The following CWF19L2 variants were observed in gnomAD, a reference collection of about 807,000 sequenced individuals.
CWF19L2 encodes the protein CWF19 like cell cycle control factor 2, also known as CWF19-like protein 2.
Under a neutral mutation model 111.7 loss-of-function variants are expected in CWF19L2, and 98 were observed. The ratio of observed to expected loss-of-function variants is 0.88; its 90% CI spans 0.75 to 1.04. The LOEUF is 1.04. Ranked by LOEUF, CWF19L2 falls within the 50% of genes least tolerant of loss-of-function variation. The pLI is 0.00. For missense variants in CWF19L2, 1,101 were observed against 1,051.4 expected (o/e 1.05, Z -0.65); for synonymous variants, 351 against 342.9 (o/e 1.02, Z -0.26).
In CWF19L2 at chr11:107,415,334, C is replaced by G. The variant is rs184859587; in HGVS notation, c.1617+875G>C. ...TTTCAACAGAATTGGCCTGTGCATTCCAAGCCACCAACCCACCTGTCACTC... is the reference window on the plus strand; with the variant it reads ...TTTCAACAGAATTGGCCTGTGCATTGCAAGCCACCAACCCACCTGTCACTC... On this transcript the variant is annotated intron_variant, in intron 10 of 17. Transcript: ENST00000282251. Among the ~76,000 whole-genome samples the G allele has an allele frequency of 5.9e-5, 9 of 152,292 alleles. No homozygotes were observed. The East Asian group carries it at 9.6e-4, about 16-fold the overall frequency.
At chr11:107,388,274 C>T (rs564665691) in intron 12 of CWF19L2, among the ~76,000 whole-genome samples, 11 of 152,284 alleles carry the variant, frequency 7.2e-5, no homozygotes, top group East Asian at 3.9e-4. Context: ...GAAATATAAG[C>T]GCCTGAGGGC....
intron 14 of CWF19L2, among the ~76,000 whole-genome samples, chr11:107,342,550 T>A (rs1422606958): frequency 6.6e-6 from 1 of 152,108 alleles, no homozygotes; most frequent in East Asian, 1.9e-4. Flanking sequence ...TGTTTTAAAT[T>A]TGCTGAGATT....
At chr11:107,356,986 C>T (rs928389434) in intron 12 of CWF19L2, among the ~76,000 whole-genome samples, 1 of 152,036 alleles carries the variant, frequency 6.6e-6, no homozygotes, top group East Asian at 1.9e-4. Context: ...TGCTGTGGGC[C>T]GAAATCACGC....
At chr11:107,445,725 C>G (rs1861692631) in intron 3 of CWF19L2, among the ~76,000 whole-genome samples, 1 of 152,046 alleles carries the variant, frequency 6.6e-6, no homozygotes, top group Admixed American at 6.5e-5. Context: ...TTCTCCAACC[C>G]CTCACCCCAA....
intron 12 of CWF19L2, among the ~76,000 whole-genome samples, chr11:107,357,198 G>A (rs1001626789): frequency 9.9e-5 from 15 of 152,150 alleles, no homozygotes; most frequent in African/African-American, 3.4e-4. Context: ...ATATAAGTGA[G>A]GCTTTTTCCC....
chr11:107,380,061 A>AAAAAT (rs1860660803), intron 12 of CWF19L2, among the ~76,000 whole-genome samples: 2 of 150,428 alleles, frequency 1.3e-5, no homozygotes, highest in Non-Finnish European at 3.0e-5. Flanking sequence ...AAAAAAAAAA[A>AAAAAT]AAAAAAAAAA....
chr11:107,349,596 C>T (rs974797108), intron 13 of CWF19L2, among the ~76,000 whole-genome samples: 6 of 145,514 alleles, frequency 4.1e-5, no homozygotes, highest in African/African-American at 1.6e-4. Flanking sequence ...AAAACTGGTG[C>T]TAATTTTCCA....
intron 16 of CWF19L2, 53 bp from the exon 17 acceptor site, chr11:107,330,072 T>A (rs1000772566): frequency 7.5e-6 from 8 of 1,060,828 alleles, no homozygotes; most frequent in Non-Finnish European, 9.5e-6. Flanking sequence ...CAGAAAGTTA[T>A]GTTTAATCCC....
intron 10 of CWF19L2, among the ~76,000 whole-genome samples, chr11:107,406,487 T>C (rs558729851): frequency 5.9e-5 from 9 of 152,346 alleles, no homozygotes; most frequent in Non-Finnish European, 1.2e-4. Context: ...CTCTGATAAC[T>C]GAGATGTATG....
intron 14 of CWF19L2, among the ~76,000 whole-genome samples, chr11:107,342,036 T>C (rs985445186): frequency 2.6e-5 from 4 of 152,048 alleles, no homozygotes; most frequent in African/African-American, 4.8e-5. Context: ...TTCTCTATGA[T>C]TTTTCTGTTT....
At chr11:107,426,470 T>C (rs543784701) in intron 8 of CWF19L2, among the ~76,000 whole-genome samples, 5 of 152,052 alleles carry the variant, frequency 3.3e-5, no homozygotes, top group Admixed American at 6.6e-5. Context: ...TTGGAATTTA[T>C]TTTACAGCTA....
chr11:107,454,649 A>G, intron 2 of CWF19L2, 77 bp from the exon 3 acceptor site: 1 of 1,038,108 alleles, frequency 9.6e-7, no homozygotes, highest in Non-Finnish European at 1.2e-6. Context: ...AGAGAAAAAA[A>G]ATAAACCACA....
intron 12 of CWF19L2, among the ~76,000 whole-genome samples, chr11:107,387,562 C>A (rs985161486): frequency 6.6e-6 from 1 of 151,968 alleles, no homozygotes; most frequent in Admixed American, 6.6e-5. Context: ...CAGTCCCCAA[C>A]CTTTTTGGCA....
chr11:107,361,130 TG>T (rs1860326412), intron 12 of CWF19L2, among the ~76,000 whole-genome samples: 1 of 152,184 alleles, frequency 6.6e-6, no homozygotes, highest in African/African-American at 2.4e-5. Flanking sequence ...TTTTTGTGTA[TG>T]TTCAGAGATA....
chr11:107,351,674 T>C (rs1235835415), intron 13 of CWF19L2, among the ~76,000 whole-genome samples: 1 of 152,156 alleles, frequency 6.6e-6, no homozygotes, highest in East Asian at 1.9e-4. Context: ...TACTACTCCA[T>C]ATACTGAAAC....
At chr11:107,333,088 TAAA>T (rs11212169) in intron 16 of CWF19L2, among the ~76,000 whole-genome samples, 2 of 146,362 alleles carry the variant, frequency 1.4e-5, no homozygotes, top group Non-Finnish European at 1.5e-5. Context: ...AGACTCTGTC[TAAA>T]AAAAAAAAAA....
intron 10 of CWF19L2, among the ~76,000 whole-genome samples, chr11:107,408,787 T>C (rs564027111): frequency 6.6e-6 from 1 of 152,156 alleles, no homozygotes; most frequent in South Asian, 2.1e-4. Flanking sequence ...TATTTTTGCA[T>C]ACCTACTCTG....
At chr11:107,423,818 C>T (rs1246566272) in intron 8 of CWF19L2, among the ~76,000 whole-genome samples, 5 of 151,688 alleles carry the variant, frequency 3.3e-5, no homozygotes, top group Middle Eastern at 3.2e-3. Flanking sequence ...AAGACCAAGC[C>T]ATCCATCAAT....
intron 12 of CWF19L2, among the ~76,000 whole-genome samples, chr11:107,387,099 G>A (rs1860778786): frequency 6.6e-6 from 1 of 150,896 alleles, no homozygotes; most frequent in African/African-American, 2.4e-5. Context: ...GGGAGAACCA[G>A]CATCTACCCA....
Sources: gnomAD v4.1 joint callset for allele counts (sites outside exome capture counted in the v4.1 genomes callset) on GRCh38, gnomAD v4.1.1 for gene constraint, MANE v1.5 for transcripts, NCBI Gene and HGNC (gene_info 2026-07-23, HGNC 2026-07-21) for gene names.